Variants in ZFYVE1 observed in about 807,000 individuals in gnomAD.
ZFYVE1 encodes zinc finger FYVE domain-containing protein 1.
A neutral mutation model predicts 74.4 loss-of-function variants in ZFYVE1; 30 were observed. The observed-to-expected ratio is 0.40, with a 90% CI of 0.30 to 0.55. The LOEUF (loss-of-function observed/expected upper bound fraction) is 0.55. Among genes scored for constraint, ZFYVE1 ranks in the 20% least tolerant of loss-of-function variants. ZFYVE1 has a pLI of 0.42. For missense variants in ZFYVE1, 703 were observed against 1,011.6 expected (o/e 0.69, Z 4.14); for synonymous variants, 335 against 385.1 (o/e 0.87, Z 1.52).
At chr14:72,996,087 A>G (rs1893742100) in intron 3 of ZFYVE1, among the ~76,000 whole-genome samples, 2 of 152,094 alleles carry the variant, frequency 1.3e-5, no homozygotes, top group African/African-American at 4.8e-5. Context: ...CACACAAGCC[A>G]TGCTTCAAAC....
In ZFYVE1 at chr14:73,024,532, C is replaced by A. The variant is rs369538703; in HGVS notation, c.-24G>T. 1.9e-6 allele frequency: 3 copies of A among 1,570,822 alleles called. No individual in the cohort carries two copies. The African/African-American group carries it at 4.1e-5, about 21-fold the overall frequency. ...ATACTCACGCTGGTAAGGAAACACACCCACCATATAATAGTCACTGAGCTT... is the reference window on the plus strand; with the variant it reads ...ATACTCACGCTGGTAAGGAAACACAACCACCATATAATAGTCACTGAGCTT... On this transcript the variant is annotated 5_prime_UTR_variant, in exon 2 of 12. Coordinates refer to ENST00000556143, the MANE Select transcript of ZFYVE1 (RefSeq NM_021260.4).
intron 2 of ZFYVE1, among the ~76,000 whole-genome samples, chr14:73,011,665 G>A (rs986828908): frequency 6.6e-5 from 10 of 150,740 alleles, no homozygotes; most frequent in African/African-American, 2.4e-4. Context: ...GATTACAGGC[G>A]CCTACCACCA....
At chr14:73,025,540 A>G in intron 1 of ZFYVE1, among the ~76,000 whole-genome samples, 1 of 151,690 alleles carries the variant, frequency 6.6e-6, no homozygotes, top group East Asian at 2.0e-4. Flanking sequence ...TACTAAAAAT[A>G]CAAATATTAG....
intron 2 of ZFYVE1, 79 bp from the exon 3 acceptor site, chr14:72,998,394 C>T: frequency 2.3e-6 from 3 of 1,300,914 alleles, no homozygotes; most frequent in Non-Finnish European, 3.1e-6. Flanking sequence ...AAGTGCTTCC[C>T]AAGGACAAGG....
chr14:72,990,330 A>G (rs908317594), intron 4 of ZFYVE1, among the ~76,000 whole-genome samples: 5 of 152,144 alleles, frequency 3.3e-5, no homozygotes, highest in African/African-American at 9.7e-5. Flanking sequence ...AGAATAGAAA[A>G]TATCAGATCT....
At chr14:73,023,134 C>A (rs1178812914) in intron 2 of ZFYVE1, among the ~76,000 whole-genome samples, 1 of 143,920 alleles carries the variant, frequency 6.9e-6, no homozygotes, top group African/African-American at 2.6e-5. Context: ...GCACTCCAGC[C>A]TGGGTGACAG....
At chr14:73,021,927 CA>C (rs1027046159) in intron 2 of ZFYVE1, among the ~76,000 whole-genome samples, 4 of 152,040 alleles carry the variant, frequency 2.6e-5, no homozygotes, top group East Asian at 1.9e-4. Context: ...TTCTCCTCCC[CA>C]AAAAAACATT....
intron 2 of ZFYVE1, among the ~76,000 whole-genome samples, chr14:73,003,163 T>C: frequency 6.7e-6 from 1 of 150,286 alleles, no homozygotes. Context: ...CAAGCCATTC[T>C]CCTGCCTCAG....
intron 2 of ZFYVE1, among the ~76,000 whole-genome samples, chr14:73,014,396 A>C (rs1025525664): frequency 6.6e-6 from 1 of 151,938 alleles, no homozygotes; most frequent in African/African-American, 2.4e-5. Context: ...TAAACACCAT[A>C]TAATGCCTTC....
intron 1 of ZFYVE1, among the ~76,000 whole-genome samples, chr14:73,026,626 G>A (rs973547283): frequency 6.6e-6 from 1 of 151,898 alleles, no homozygotes; most frequent in Non-Finnish European, 1.5e-5. Flanking sequence ...GCCCACTCGG[G>A]CCCCCACCTC....
Position 73,024,316 on chromosome 14 carries a change from G to A in ZFYVE1, c.193C>T (p.Pro65Ser), listed in dbSNP as rs1566566238. Residue 65 changes from proline to serine, a missense_variant, in exon 2 of 12, where the codon CCT becomes TCT. Physicochemically the swap from Pro to Ser is moderately conservative, Grantham distance 74 (BLOSUM62 -1). Coordinates refer to ENST00000556143, the MANE Select transcript of ZFYVE1 (RefSeq NM_021260.4). Reference protein sequence around the residue: ...LRNHERIRLKPGHVPYCDLCK... With the variant: ...LRNHERIRLKSGHVPYCDLCK... The stretch of plus-strand genomic sequence containing the variant: ...AGGTCACAGTAAGGGACATGGCCAG[G>A]TTTGAGTCTTATCCGCTCATGGTTT... The A allele has an allele frequency of 6.2e-7, 1 of 1,614,080 alleles. No homozygotes were observed. Among genetic ancestry groups the A allele is most frequent in the Non-Finnish European group, 8.5e-7 (1 of 1,180,020 alleles).
chr14:72,996,878 G>A (rs80071149), intron 3 of ZFYVE1, among the ~76,000 whole-genome samples: 2,544 of 152,226 alleles, frequency 0.017, 54 homozygotes, highest in East Asian at 0.048. Flanking sequence ...TTTGATGACC[G>A]AATGAACAAG....
At chr14:72,980,458 G>C (rs1342070635) in intron 5 of ZFYVE1, among the ~76,000 whole-genome samples, 1 of 152,148 alleles carries the variant, frequency 6.6e-6, no homozygotes, top group East Asian at 1.9e-4. Flanking sequence ...TGATTTAACA[G>C]CCATCAACAG....
rs971439592 is a variant in ZFYVE1 at position 72,979,058 on chromosome 14, G to C, written c.1311-89C>G. 36 of 1,123,484 alleles carry C rather than the reference G, an allele frequency of 3.2e-5. No individual in the cohort carries two copies. In the Admixed American group the frequency reaches 5.6e-4, roughly 18 times the overall value. 69.6% of individuals were successfully genotyped at this position (1,123,484 alleles called of 1,614,324 possible). ...AGCCTGACCCTGAGCCAGGCACAAG[G>C]CCACGACCAGACCTTGATTACTAAC... On this transcript the variant is annotated intron_variant, in intron 5 of 11. Transcript: ENST00000556143.
intron 2 of ZFYVE1, among the ~76,000 whole-genome samples, chr14:73,007,036 C>T (rs964326837): frequency 2.1e-4 from 32 of 151,934 alleles, no homozygotes; most frequent in Non-Finnish European, 2.1e-4. Context: ...CAGAATAGTT[C>T]ATGGTAGTGA....
intron 1 of ZFYVE1, among the ~76,000 whole-genome samples, chr14:73,025,713 A>AT (rs905259567): frequency 1.3e-5 from 2 of 151,892 alleles, no homozygotes; most frequent in East Asian, 3.9e-4. Context: ...AAAAAAAAAA[A>AT]AAATCTCAAA....
intron 4 of ZFYVE1, among the ~76,000 whole-genome samples, chr14:72,984,877 G>A (rs1046776697): frequency 6.6e-6 from 1 of 152,214 alleles, no homozygotes; most frequent in Non-Finnish European, 1.5e-5. Context: ...TGTGAAAGCA[G>A]CTTCCTACCT....
At position 72,993,220 on chromosome 14, in the gene ZFYVE1, G is replaced by A. The variant is rs754232548; in HGVS notation, c.1126C>T (p.Arg376Cys). ...TTCTCTAGTAGCTGCTCCAAAGCACGCCGAAGCCCAGAAAAGTCCGTGGGA... is the reference window on the plus strand; with the variant it reads ...TTCTCTAGTAGCTGCTCCAAAGCACACCGAAGCCCAGAAAAGTCCGTGGGA... ...NPPTDFSGLRRALEQLLENNT... is the reference protein window; with the variant it reads ...NPPTDFSGLRCALEQLLENNT... Residue 376 changes from arginine (R) to cysteine (C), a missense_variant, in exon 4 of 12, where the codon CGT becomes TGT. Arg to Cys is a radical substitution (Grantham distance 180, BLOSUM62 -3). Transcript: ENST00000556143. 1.9e-5 allele frequency: 30 copies of A among 1,613,694 alleles called. No homozygotes were observed. Among genetic ancestry groups the A allele is most frequent in the Middle Eastern group, 1.6e-4 (1 of 6,078 alleles).
At chr14:73,007,612 C>G (rs1050747227) in intron 2 of ZFYVE1, among the ~76,000 whole-genome samples, 1 of 151,992 alleles carries the variant, frequency 6.6e-6, no homozygotes, top group Admixed American at 6.6e-5. Flanking sequence ...TGGCCTCAGG[C>G]AATACTCCTT....
Sources: gnomAD v4.1 joint callset for allele counts (sites outside exome capture counted in the v4.1 genomes callset) on GRCh38, gnomAD v4.1.1 for gene constraint, MANE v1.5 for transcripts, NCBI Gene and HGNC (gene_info 2026-07-23, HGNC 2026-07-21) for gene names.